The following SRGAP2B variants were observed in gnomAD, a reference collection of about 807,000 sequenced individuals.
SRGAP2B encodes the protein SLIT-ROBO Rho GTPase activating protein 2B.
In SRGAP2B, 9 loss-of-function variants were observed where a neutral mutation model predicts 22.2. The ratio of observed to expected loss-of-function variants is 0.41; its 90% CI spans 0.24 to 0.71. SRGAP2B has a LOEUF of 0.71. Among genes scored for constraint, SRGAP2B ranks in the 30% least tolerant of loss-of-function variants. SRGAP2B has a pLI of 0.35. For synonymous variants in SRGAP2B, 36 were observed against 87.4 expected, an observed-to-expected ratio of 0.41 and a Z score of 3.28; for missense variants, 114 against 235.8, an observed-to-expected ratio of 0.48 and a Z score of 3.38.
chr1:144,925,728 AAAGAAAGAAAGAAAG>A (rs1664643179), intron 4 of SRGAP2B, among the ~76,000 whole-genome samples: 1 of 9,100 alleles, frequency 1.1e-4, no homozygotes, highest in Non-Finnish European at 2.6e-4. Context: ...GAGAGAAAGA[AAAGAAAGAAAGAAAG>A]AAAGAAAGAA....
At chr1:144,939,256 AG>A (rs1665852703) in intron 4 of SRGAP2B, among the ~76,000 whole-genome samples, 1 of 142,196 alleles carries the variant, frequency 7.0e-6, no homozygotes, top group Admixed American at 7.0e-5. Context: ...GAGGCAGGAA[AG>A]GAACTTGGAA....
chr1:144,965,323 TCCCTGAC>T (rs1311232409), intron 3 of SRGAP2B, among the ~76,000 whole-genome samples: 28 of 142,498 alleles, frequency 2.0e-4, no homozygotes, highest in Non-Finnish European at 2.1e-4. Context: ...CTCAAGTGGG[TCCCTGAC>T]CCCTGACCCC....
At chr1:144,982,752 AG>A (rs1669399550) in intron 3 of SRGAP2B, among the ~76,000 whole-genome samples, 1 of 148,364 alleles carries the variant, frequency 6.7e-6, no homozygotes, top group Non-Finnish European at 1.5e-5. Context: ...AGCTTCCCAA[AG>A]AACTTTTAAC....
At chr1:144,909,287 T>A (rs1304503010) in intron 5 of SRGAP2B, among the ~76,000 whole-genome samples, 1 of 144,034 alleles carries the variant, frequency 6.9e-6, no homozygotes, top group East Asian at 2.0e-4. Flanking sequence ...AATAAGCTAT[T>A]GAAAGTCTGA....
rs1176369396 is a variant in SRGAP2B at position 144,911,426 on chromosome 1, G to C, written c.486+3266C>G. ...CCACCTGATAAAACCACTCTCCCATGCAAGGTGACCAATTAACCCTTTTTA... is the reference window on the plus strand; with the variant it reads ...CCACCTGATAAAACCACTCTCCCATCCAAGGTGACCAATTAACCCTTTTTA... On this transcript the variant is annotated intron_variant, in intron 5 of 9. Coordinates refer to ENST00000612199, the Ensembl canonical transcript of SRGAP2B. Among the ~76,000 whole-genome samples the C allele has an allele frequency of 3.3e-3, 494 of 150,286 alleles. 34 individuals carry two copies. Among genetic ancestry groups the C allele is most frequent in the African/African-American group, 0.012 (469 of 40,002 alleles).
chr1:145,088,627 G>C (rs1376076660), intron 2 of SRGAP2B, among the ~76,000 whole-genome samples: 2 of 127,976 alleles, frequency 1.6e-5, no homozygotes, highest in South Asian at 5.6e-4. Context: ...TAAAGGAAAG[G>C]GGCCTTAAAT....
chr1:145,019,879 C>T (rs587693700), intron 2 of SRGAP2B, among the ~76,000 whole-genome samples: 1 of 150,932 alleles, frequency 6.6e-6, no homozygotes, highest in East Asian at 1.9e-4. Flanking sequence ...TCCTTTTCCG[C>T]CTCATTCCCA....
At chr1:144,998,760 C>T (rs1205625065) in intron 2 of SRGAP2B, among the ~76,000 whole-genome samples, 9 of 151,082 alleles carry the variant, frequency 6.0e-5, no homozygotes, top group African/African-American at 2.0e-4. Flanking sequence ...CACTCTTAGG[C>T]GTACAGCTCC....
rs1194806497 is a variant in SRGAP2B at position 145,061,567 on chromosome 1, T to C, written c.67+31268A>G. On this transcript the variant is annotated intron_variant, in intron 2 of 9. Coordinates refer to ENST00000612199, the Ensembl canonical transcript of SRGAP2B. ...AAAGCCCTGGCCCACATAAAAAGAT[T>C]TGTGAATATGTGTACATTCACTTTT... Among the ~76,000 whole-genome samples, 65 of 149,532 alleles carry C rather than the reference T, an allele frequency of 4.3e-4. No homozygotes were observed. The South Asian group carries it at 5.3e-3, about 12-fold the overall frequency.
chr1:144,923,047 G>T (rs1321483955), intron 4 of SRGAP2B, among the ~76,000 whole-genome samples: 5 of 150,836 alleles, frequency 3.3e-5, no homozygotes, highest in Admixed American at 2.6e-4. Flanking sequence ...TCAGGGACAG[G>T]CATACTCGGG....
At chr1:144,934,041 G>A (rs1553606007) in intron 4 of SRGAP2B, among the ~76,000 whole-genome samples, 1 of 147,812 alleles carries the variant, frequency 6.8e-6, no homozygotes, top group Non-Finnish European at 1.5e-5. Context: ...TGGTCCAGGA[G>A]AAGCAACACC....
intron 2 of SRGAP2B, among the ~76,000 whole-genome samples, chr1:145,041,079 ATAT>A (rs1169093352): frequency 7.0e-5 from 3 of 42,746 alleles, no homozygotes; most frequent in African/African-American, 2.3e-4. Context: ...TATATAGTAT[ATAT>A]ATATATATAT....
intron 4 of SRGAP2B, among the ~76,000 whole-genome samples, chr1:144,924,647 G>T (rs1553604713): frequency 6.6e-6 from 1 of 151,218 alleles, no homozygotes; most frequent in African/African-American, 2.5e-5. Context: ...CAGGAGAATG[G>T]CGTGAACCCG....
At chr1:144,952,592 C>A (rs1420904681) in intron 4 of SRGAP2B, among the ~76,000 whole-genome samples, 1 of 149,562 alleles carries the variant, frequency 6.7e-6, no homozygotes, top group African/African-American at 2.5e-5. Flanking sequence ...CTCAAACCAT[C>A]AGGGTCTCTC....
At chr1:145,006,098 C>T (rs141067799) in intron 2 of SRGAP2B, among the ~76,000 whole-genome samples, 4,211 of 150,774 alleles carry the variant, frequency 0.028, 438 homozygotes, top group African/African-American at 0.099. Context: ...TCTACCCCTG[C>T]GGCGTGACTC....
At chr1:144,967,274 A>G (rs1158313418) in intron 3 of SRGAP2B, among the ~76,000 whole-genome samples, 2 of 116,854 alleles carry the variant, frequency 1.7e-5, no homozygotes, top group African/African-American at 3.7e-5. Flanking sequence ...AAAAGAACAG[A>G]AATTATAACA....
intron 7 of SRGAP2B, among the ~76,000 whole-genome samples, chr1:144,904,169 T>C (rs1662816496): frequency 6.7e-6 from 1 of 150,018 alleles, no homozygotes; most frequent in African/African-American, 2.5e-5. Context: ...AGGACCCTAA[T>C]TTGCGCATAA....
intron 2 of SRGAP2B, among the ~76,000 whole-genome samples, chr1:145,017,167 C>G (rs1553623332): frequency 7.0e-6 from 1 of 143,490 alleles, no homozygotes; most frequent in Non-Finnish European, 1.5e-5. Context: ...TGACCTCAAG[C>G]GATCTGCCCA....
intron 4 of SRGAP2B, among the ~76,000 whole-genome samples, chr1:144,943,962 G>T (rs1464972614): frequency 1.3e-5 from 2 of 150,308 alleles, no homozygotes; most frequent in African/African-American, 2.5e-5. Flanking sequence ...AAGTTAGAGG[G>T]GCTTGATAAA....
Sources: allele counts gnomAD v4.1 joint callset (sites outside exome capture counted in the v4.1 genomes callset), GRCh38; gene constraint gnomAD v4.1.1; transcripts MANE v1.5; gene names NCBI Gene and HGNC (gene_info 2026-07-23, HGNC 2026-07-21).